Variants in KIAA1328 observed in about 807,000 individuals in gnomAD.
KIAA1328 encodes protein hinderin.
KIAA1328 carries 52 observed loss-of-function variants against 68.1 expected under a neutral mutation model. The observed-to-expected ratio is 0.76, with a 90% CI of 0.61 to 0.96. The LOEUF is 0.96. Ranked by LOEUF, KIAA1328 falls within the 40% of genes least tolerant of loss-of-function variation. KIAA1328 has a pLI of 0.00. For missense variants in KIAA1328, 641 were observed against 677.6 expected (o/e 0.95, Z 0.60); for synonymous variants, 232 against 239.4 (o/e 0.97, Z 0.28).
intron 5 of KIAA1328, among the ~76,000 whole-genome samples, chr18:36,948,493 C>T (rs1384091193): frequency 2.7e-5 from 4 of 150,470 alleles, no homozygotes; most frequent in African/African-American, 9.8e-5. Flanking sequence ...ATCTCCTGAC[C>T]TCGTGATCCT....
chr18:37,216,361 G>T (rs1452210685), intron 9 of KIAA1328, among the ~76,000 whole-genome samples: 1 of 152,070 alleles, frequency 6.6e-6, no homozygotes, highest in Non-Finnish European at 1.5e-5. Flanking sequence ...GTTCTCGTTG[G>T]TTTCAAAGAA....
chr18:37,217,600 A>AT (rs527875731), intron 9 of KIAA1328, among the ~76,000 whole-genome samples: 2 of 151,906 alleles, frequency 1.3e-5, no homozygotes. Flanking sequence ...TGCCCTTAAC[A>AT]TTTTTTGCTT....
chr18:37,206,348 G>T (rs960029103), intron 9 of KIAA1328, among the ~76,000 whole-genome samples: 2 of 152,096 alleles, frequency 1.3e-5, no homozygotes. Context: ...GTAGCCCTAT[G>T]GTAGTAGCCC....
chr18:37,098,990 G>A (rs1424497395), intron 7 of KIAA1328, among the ~76,000 whole-genome samples: 1 of 151,800 alleles, frequency 6.6e-6, no homozygotes, highest in East Asian at 1.9e-4. Flanking sequence ...TCTTGCTTGT[G>A]GTCTTTCAAT....
At chr18:36,945,740 T>C (rs533242223) in intron 5 of KIAA1328, among the ~76,000 whole-genome samples, 2 of 152,308 alleles carry the variant, frequency 1.3e-5, no homozygotes, top group East Asian at 1.9e-4. Flanking sequence ...TGTAAACTTA[T>C]GCTTAAAAGT....
At chr18:37,186,951 A>T (rs1434902638) in intron 9 of KIAA1328, among the ~76,000 whole-genome samples, 1 of 152,186 alleles carries the variant, frequency 6.6e-6, no homozygotes, top group Non-Finnish European at 1.5e-5. Context: ...AGGTTGGCGG[A>T]TCACCTGAGG....
At chr18:37,089,336 C>T (rs1281832405) in intron 7 of KIAA1328, among the ~76,000 whole-genome samples, 1 of 143,704 alleles carries the variant, frequency 7.0e-6, no homozygotes, top group Non-Finnish European at 1.5e-5. Flanking sequence ...TGTACATTTG[C>T]GTTATTCTAC....
Position 36,928,242 on chromosome 18 carries a change from T to C in KIAA1328, c.449-31066T>C, listed in dbSNP as rs143083181. 6.0e-4 allele frequency among the ~76,000 whole-genome samples: 92 copies of C among 152,282 alleles called. No homozygotes were observed. The East Asian group carries it at 0.016, about 27-fold the overall frequency. ...AATTATTGCTGTCTATGGTGCCTTA[T>C]TGGGATGAAGATAAAGGTCTTGACC... On this transcript the variant is annotated intron_variant, in intron 5 of 9. Transcript: ENST00000280020.
chr18:36,944,443 G>A (rs570668546), intron 5 of KIAA1328, among the ~76,000 whole-genome samples: 55 of 152,238 alleles, frequency 3.6e-4, no homozygotes, highest in African/African-American at 1.1e-3. Flanking sequence ...GCCAGGCATG[G>A]TGGCGGGCGC....
chr18:36,916,470 A>G (rs1204447175), intron 5 of KIAA1328, among the ~76,000 whole-genome samples: 2 of 151,766 alleles, frequency 1.3e-5, no homozygotes, highest in Non-Finnish European at 2.9e-5. Flanking sequence ...GATTTTCTTC[A>G]TCTGTTTATT....
At chr18:37,012,940 C>T (rs1349003134) in intron 6 of KIAA1328, among the ~76,000 whole-genome samples, 3 of 152,002 alleles carry the variant, frequency 2.0e-5, no homozygotes, top group Non-Finnish European at 2.9e-5. Flanking sequence ...GGGGTTTATA[C>T]TCAGTGGAAT....
Position 36,907,834 on chromosome 18 carries a change from C to G in KIAA1328, c.448+22162C>G, listed in dbSNP as rs190447762. ...GTATAGAATGAGTTTAATCTTTTCTCTTAAATTCGTGTTAAAATTTACTAA... is the reference window on the plus strand; with the variant it reads ...GTATAGAATGAGTTTAATCTTTTCTGTTAAATTCGTGTTAAAATTTACTAA... On this transcript the variant is annotated intron_variant, in intron 5 of 9. Coordinates refer to ENST00000280020, the MANE Select transcript of KIAA1328 (RefSeq NM_020776.3). Among the ~76,000 whole-genome samples, 40 of 152,180 alleles carry G rather than the reference C, an allele frequency of 2.6e-4. No homozygotes were observed. In the East Asian group the frequency reaches 7.7e-3, roughly 29 times the overall value.
chr18:37,055,600 GT>G (rs1239085096), intron 6 of KIAA1328, among the ~76,000 whole-genome samples: 8 of 152,108 alleles, frequency 5.3e-5, no homozygotes, highest in Non-Finnish European at 8.8e-5. Context: ...TTGACGACTG[GT>G]CCATATATGC....
chr18:36,980,685 CT>C (rs1489328134), intron 6 of KIAA1328, among the ~76,000 whole-genome samples: 1 of 152,180 alleles, frequency 6.6e-6, no homozygotes, highest in African/African-American at 2.4e-5. Flanking sequence ...CAAATATTAT[CT>C]TGTAGCTCCC....
chr18:37,010,272 A>G (rs1568286761), intron 6 of KIAA1328, among the ~76,000 whole-genome samples: 2 of 151,890 alleles, frequency 1.3e-5, no homozygotes, highest in South Asian at 4.2e-4. Flanking sequence ...GTGAAACCCC[A>G]TCTCTACTAA....
intron 7 of KIAA1328, among the ~76,000 whole-genome samples, chr18:37,100,267 C>A (rs988533990): frequency 3.9e-5 from 6 of 152,206 alleles, no homozygotes; most frequent in Admixed American, 3.3e-4. Context: ...ATTCCCTTTC[C>A]TAGTCAAAGA....
At chr18:37,019,222 C>T (rs1359332872) in intron 6 of KIAA1328, among the ~76,000 whole-genome samples, 1 of 151,328 alleles carries the variant, frequency 6.6e-6, no homozygotes, top group Non-Finnish European at 1.5e-5. Flanking sequence ...TGGCTTTTGG[C>T]TTTGCTTCAG....
chr18:37,218,081 AC>A (rs1321081079), intron 9 of KIAA1328, among the ~76,000 whole-genome samples: 6 of 152,260 alleles, frequency 3.9e-5, no homozygotes, highest in African/African-American at 1.4e-4. Flanking sequence ...AAATGCAATA[AC>A]TCTACAGAAG....
intron 6 of KIAA1328, among the ~76,000 whole-genome samples, chr18:37,054,252 A>G (rs2055822182): frequency 6.6e-6 from 1 of 152,320 alleles, no homozygotes; most frequent in East Asian, 1.9e-4. Context: ...AACAGTATGG[A>G]GATTTCTTAA....
Sources: allele counts gnomAD v4.1 joint callset (sites outside exome capture counted in the v4.1 genomes callset), GRCh38; gene constraint gnomAD v4.1.1; transcripts MANE v1.5; gene names NCBI Gene and HGNC (gene_info 2026-07-23, HGNC 2026-07-21).